TLL2: variants seen among roughly 807,000 people sequenced by gnomAD.
The protein encoded by TLL2 is tolloid-like protein 2.
In TLL2, 106 loss-of-function variants were observed where a neutral mutation model predicts 123.0. The ratio of observed to expected loss-of-function variants is 0.86; its 90% CI spans 0.74 to 1.01. TLL2 has a LOEUF of 1.01. Ranked by LOEUF, TLL2 falls within the 50% of genes least tolerant of loss-of-function variation. The pLI is 0.00. For missense variants in TLL2, 1,332 were observed against 1,336.7 expected (o/e 1.00, Z 0.06); for synonymous variants, 494 against 516.8 (o/e 0.96, Z 0.60).
At chr10:96,427,827 T>C (rs964444299) in intron 5 of TLL2, among the ~76,000 whole-genome samples, 1 of 152,188 alleles carries the variant, frequency 6.6e-6, no homozygotes, top group East Asian at 1.9e-4. Context: ...GCAGTTTTGC[T>C]CTTGTTGCCC....
intron 1 of TLL2, among the ~76,000 whole-genome samples, chr10:96,504,298 T>C (rs1847559312): frequency 6.6e-6 from 1 of 152,108 alleles, no homozygotes; most frequent in Non-Finnish European, 1.5e-5. Context: ...TCATGGAAGA[T>C]TTAAGTTTTA....
At chr10:96,411,455 T>C (rs1166591388) in intron 8 of TLL2, among the ~76,000 whole-genome samples, 1 of 152,222 alleles carries the variant, frequency 6.6e-6, no homozygotes, top group Admixed American at 6.5e-5. Flanking sequence ...GAATCTTCTA[T>C]AGCAGGCTAT....
chr10:96,381,055 C>T lies in TLL2; in HGVS notation c.2195-1963G>A, dbSNP rs183496819. On this transcript the variant is annotated intron_variant, in intron 16 of 20. Transcript: ENST00000357947. Reference sequence around the variant, plus strand: ...CTGACCCACCTCTCTCCCTTCCTTCCTCCAAGTCCTTCTGCAGATGACTCA... The same window carrying T: ...CTGACCCACCTCTCTCCCTTCCTTCTTCCAAGTCCTTCTGCAGATGACTCA... 6.3e-3 allele frequency among the ~76,000 whole-genome samples: 952 copies of T among 152,206 alleles called. 8 individuals are homozygous for T. Among genetic ancestry groups the T allele is most frequent in the Middle Eastern group, 0.024 (7 of 290 alleles).
chr10:96,511,815 G>A (rs901732861), intron 1 of TLL2, among the ~76,000 whole-genome samples: 1 of 152,200 alleles, frequency 6.6e-6, no homozygotes, highest in African/African-American at 2.4e-5. Flanking sequence ...AGAGTCCCCA[G>A]GTCACACCCA....
Position 96,368,151 on chromosome 10 carries a change from CT to C in TLL2, c.2984del (p.Lys995ArgfsTer19). 1.2e-6 allele frequency: 2 copies of C among 1,614,206 alleles called. No homozygotes were observed. The highest frequency in any genetic ancestry group is 1.7e-6 in the Non-Finnish European group (2 of 1,180,040). On this transcript the variant is annotated frameshift_variant, in exon 21 of 21. Transcript: ENST00000357947. LOFTEE classifies it high-confidence loss of function. ...IRFRTDDTIN[K>X]KGFHARYTST... is the part of the protein sequence containing the mutation. ...TGGTGTATCGGGCATGAAAGCCTTT[CT>C]TGTTGATGGTGTCATCTGTGCGGAA... is the stretch of plus-strand genomic sequence containing the variant.
chr10:96,500,375 A>G (rs926178793), intron 1 of TLL2, among the ~76,000 whole-genome samples: 1 of 152,188 alleles, frequency 6.6e-6, no homozygotes, highest in Non-Finnish European at 1.5e-5. Context: ...GAAAAGGAGA[A>G]TCAGAAGGCC....
At chr10:96,472,687 A>C (rs1847195637) in intron 2 of TLL2, among the ~76,000 whole-genome samples, 1 of 152,052 alleles carries the variant, frequency 6.6e-6, no homozygotes, top group Admixed American at 6.5e-5. Flanking sequence ...GCTTGAACCC[A>C]GGAGGTTGAG....
chr10:96,410,562 C>A lies in TLL2; in HGVS notation c.1049-88G>T, dbSNP rs561258640. ...CGCACGGGGCAGCGGAGCAAACATACCCCTTTGCCAGCCAAAGCCCTCGGA... is the reference window on the plus strand; with the variant it reads ...CGCACGGGGCAGCGGAGCAAACATAACCCTTTGCCAGCCAAAGCCCTCGGA... On this transcript the variant is annotated intron_variant, in intron 8 of 20. Coordinates refer to ENST00000357947, the MANE Select transcript of TLL2 (RefSeq NM_012465.4). 245 of 1,012,650 alleles carry A rather than the reference C, an allele frequency of 2.4e-4. 1 individual carries two copies. Among genetic ancestry groups the A allele is most frequent in the Non-Finnish European group, 2.5e-4 (163 of 648,012 alleles). The allele number at this position is 1,012,650 out of a possible 1,614,324, so 62.7% of individuals were successfully genotyped here.
intron 2 of TLL2, among the ~76,000 whole-genome samples, chr10:96,467,202 AT>A (rs1347746581): frequency 6.6e-6 from 1 of 152,006 alleles, no homozygotes. Flanking sequence ...TGGGGGAGGT[AT>A]TTTTTTAGAA....
chr10:96,508,576 C>T (rs954036144), intron 1 of TLL2, among the ~76,000 whole-genome samples: 1 of 152,158 alleles, frequency 6.6e-6, no homozygotes, highest in Non-Finnish European at 1.5e-5. Flanking sequence ...GTGAAGCTGG[C>T]TATCAGGCAG....
intron 1 of TLL2, among the ~76,000 whole-genome samples, chr10:96,487,068 G>A (rs1360279407): frequency 2.0e-5 from 3 of 152,222 alleles, no homozygotes; most frequent in African/African-American, 7.2e-5. Context: ...GTACTTTTAA[G>A]CCAGAAAGAC....
intron 10 of TLL2, among the ~76,000 whole-genome samples, chr10:96,400,847 T>C (rs2134065356): frequency 6.6e-6 from 1 of 152,312 alleles, no homozygotes; most frequent in Admixed American, 6.5e-5. Flanking sequence ...GGATGAGCTC[T>C]CTCTGCAGCC....
chr10:96,474,926 C>T (rs1301937144), intron 2 of TLL2, among the ~76,000 whole-genome samples: 2 of 152,174 alleles, frequency 1.3e-5, no homozygotes, highest in African/African-American at 4.8e-5. Flanking sequence ...TCAATCTCTG[C>T]CTCTGTCTTC....
At chr10:96,422,516 G>A (rs775126165) in intron 6 of TLL2, 33 bp downstream of exon 6, 12 of 1,611,340 alleles carry the variant, frequency 7.4e-6, no homozygotes, top group East Asian at 6.7e-5. Context: ...CTTCTCGACC[G>A]GTGCCTTCCA....
intron 13 of TLL2, among the ~76,000 whole-genome samples, chr10:96,392,591 G>C (rs1846299630): frequency 6.6e-6 from 1 of 152,004 alleles, no homozygotes; most frequent in South Asian, 2.1e-4. Context: ...CCCTGGAATG[G>C]AGCCCCAGCA....
At chr10:96,374,076 G>A in intron 18 of TLL2, 1 of 450,470 alleles carries the variant, frequency 2.2e-6, no homozygotes. Flanking sequence ...AGAGAGCAGG[G>A]GTTCAGAGAT....
intron 2 of TLL2, among the ~76,000 whole-genome samples, chr10:96,476,240 A>ATATATATTTTTTTTT: frequency 2.4e-4 from 5 of 20,488 alleles, no homozygotes; most frequent in Admixed American, 5.2e-4. Flanking sequence ...ATATATATAT[A>ATATATATTTTTTTTT]TTTTATTTTT....
chr10:96,470,348 C>T (rs1005539744), intron 2 of TLL2, among the ~76,000 whole-genome samples: 15 of 152,246 alleles, frequency 9.9e-5, no homozygotes, highest in African/African-American at 3.4e-4. Context: ...ATCAGGCAGT[C>T]TTGAGCCTCC....
intron 1 of TLL2, among the ~76,000 whole-genome samples, chr10:96,493,274 T>C (rs1025277520): frequency 6.6e-6 from 1 of 152,140 alleles, no homozygotes; most frequent in Non-Finnish European, 1.5e-5. Context: ...CTTTGTAAGA[T>C]GGAAGCATGG....
Sources: gnomAD v4.1 joint callset for allele counts (sites outside exome capture counted in the v4.1 genomes callset) on GRCh38, gnomAD v4.1.1 for gene constraint, MANE v1.5 for transcripts, NCBI Gene and HGNC (gene_info 2026-07-23, HGNC 2026-07-21) for gene names.